Variants in DAAM1 observed in about 807,000 individuals in gnomAD.
DAAM1 encodes the protein dishevelled associated activator of morphogenesis 1.
In DAAM1, 52 loss-of-function variants were observed where a neutral mutation model predicts 130.0. The ratio of observed to expected loss-of-function variants is 0.40; its 90% CI spans 0.32 to 0.50. The LOEUF (loss-of-function observed/expected upper bound fraction) is 0.50. Among genes scored for constraint, DAAM1 ranks in the 20% least tolerant of loss-of-function variants. The probability of loss-of-function intolerance (pLI) is 0.61; values close to 1 mark genes in which losing one functional copy is unlikely to be tolerated. For missense variants in DAAM1, 1,134 were observed against 1,303.8 expected (o/e 0.87, Z 2.01); for synonymous variants, 452 against 444.5 (o/e 1.02, Z -0.21).
intron 1 of DAAM1, among the ~76,000 whole-genome samples, chr14:59,194,938 C>A (rs1425839796): frequency 6.6e-6 from 1 of 152,076 alleles, no homozygotes; most frequent in South Asian, 2.1e-4. Context: ...AGATATTGTG[C>A]CACTTAGACA....
At chr14:59,269,383 A>G (rs892704524) in intron 2 of DAAM1, among the ~76,000 whole-genome samples, 7 of 152,152 alleles carry the variant, frequency 4.6e-5, no homozygotes, top group African/African-American at 1.7e-4. Context: ...CTTTGAGAAA[A>G]CACATTGTGT....
chr14:59,198,212 T>C (rs1411880551), intron 1 of DAAM1, among the ~76,000 whole-genome samples: 3 of 150,266 alleles, frequency 2.0e-5, no homozygotes, highest in African/African-American at 7.3e-5. Context: ...TCTTTCTTTT[T>C]TTTTTTTTTT....
At chr14:59,263,282 A>G (rs897442662) in intron 1 of DAAM1, among the ~76,000 whole-genome samples, 159 bp from the exon 2 acceptor site, 1 of 152,224 alleles carries the variant, frequency 6.6e-6, no homozygotes, top group African/African-American at 2.4e-5. Context: ...TTCTCTGTCC[A>G]AGTGGACTCC....
rs999529051 is a variant in DAAM1, at chr14:59,368,955, A to G, written c.*96A>G. On this transcript the variant is annotated 3_prime_UTR_variant, in exon 25 of 25. Coordinates refer to ENST00000360909, the MANE Select transcript of DAAM1 (RefSeq NM_001270520.2). ...CTGCCTTGCAATCCAAACAGTGGCA[A>G]TTTTTTCCTTCATCTGTGAGTGAAT... 3.5e-6 allele frequency: 4 copies of G among 1,136,654 alleles called. No individual in the cohort carries two copies. The Admixed American group carries it at 1.0e-4, about 30-fold the overall frequency. 70.4% of individuals were successfully genotyped at this position (1,136,654 alleles called of 1,614,324 possible).
chr14:59,243,326 T>A (rs1344792059), intron 1 of DAAM1, among the ~76,000 whole-genome samples: 1 of 152,136 alleles, frequency 6.6e-6, no homozygotes, highest in Non-Finnish European at 1.5e-5. Flanking sequence ...CTTTAAAGAG[T>A]GTTGGACTTT....
chr14:59,356,917 A>C (rs1886503900), intron 20 of DAAM1, among the ~76,000 whole-genome samples: 1 of 152,150 alleles, frequency 6.6e-6, no homozygotes, highest in South Asian at 2.1e-4. Flanking sequence ...CCCACACCTT[A>C]TACACCTGCA....
chr14:59,363,806 AGT>A (rs1479955584), intron 23 of DAAM1, 24 bp downstream of exon 23: 4 of 1,611,968 alleles, frequency 2.5e-6, no homozygotes, highest in African/African-American at 1.3e-5. Flanking sequence ...TTGTGCACTG[AGT>A]GTTGTTTGAC....
At chr14:59,284,773 A>G (rs1019890187) in intron 2 of DAAM1, among the ~76,000 whole-genome samples, 2 of 152,160 alleles carry the variant, frequency 1.3e-5, no homozygotes, top group Non-Finnish European at 2.9e-5. Flanking sequence ...AAAATAAAGA[A>G]TGAAAGAATG....
At chr14:59,322,373 TTGAC>T (rs1197196125) in intron 5 of DAAM1, among the ~76,000 whole-genome samples, 1 of 151,510 alleles carries the variant, frequency 6.6e-6, no homozygotes, top group African/African-American at 2.4e-5. Context: ...AAAGAAAAAA[TTGAC>T]TGGGAATGGT....
intron 1 of DAAM1, among the ~76,000 whole-genome samples, chr14:59,226,407 T>C (rs1888945884): frequency 6.6e-6 from 1 of 152,042 alleles, no homozygotes; most frequent in Non-Finnish European, 1.5e-5. Flanking sequence ...AGCAGAAGAA[T>C]ATGGGGCAGT....
chr14:59,281,659 C>A (rs182616968), intron 2 of DAAM1, among the ~76,000 whole-genome samples: 5 of 152,234 alleles, frequency 3.3e-5, no homozygotes, highest in African/African-American at 1.2e-4. Context: ...CTTTCTATCA[C>A]CTTGTCTTCC....
chr14:59,224,658 G>C (rs1027989735), intron 1 of DAAM1, among the ~76,000 whole-genome samples: 27 of 152,190 alleles, frequency 1.8e-4, no homozygotes, highest in Admixed American at 1.6e-3. Context: ...AAGACTTTTG[G>C]GGCTATTGAG....
chr14:59,294,563 C>CT (rs1883877174), intron 3 of DAAM1, among the ~76,000 whole-genome samples: 1 of 125,116 alleles, frequency 8.0e-6, no homozygotes, highest in Non-Finnish European at 1.8e-5. Flanking sequence ...AATCCACTGT[C>CT]ATTTTTTTTT....
intron 1 of DAAM1, among the ~76,000 whole-genome samples, chr14:59,238,596 G>A (rs1277893086): frequency 2.6e-5 from 4 of 152,130 alleles, no homozygotes; most frequent in African/African-American, 7.2e-5. Context: ...CTCTTCTTAT[G>A]TTCTTGATTT....
chr14:59,354,458 G>A (rs745561824), intron 19 of DAAM1, among the ~76,000 whole-genome samples: 10 of 152,086 alleles, frequency 6.6e-5, no homozygotes, highest in Admixed American at 1.3e-4. Flanking sequence ...CCCTAGTCTC[G>A]GAGCTCACAG....
At chr14:59,228,405 C>G (rs933959848) in intron 1 of DAAM1, among the ~76,000 whole-genome samples, 1 of 152,224 alleles carries the variant, frequency 6.6e-6, no homozygotes, top group East Asian at 1.9e-4. Flanking sequence ...CCTCCGCTCC[C>G]CAACTTCCAA....
intron 2 of DAAM1, among the ~76,000 whole-genome samples, chr14:59,273,082 G>C (rs939264253): frequency 3.3e-5 from 5 of 152,166 alleles, no homozygotes; most frequent in Non-Finnish European, 7.4e-5. Context: ...ACATTTCTTT[G>C]TACTGGTTGA....
intron 1 of DAAM1, among the ~76,000 whole-genome samples, chr14:59,236,139 CT>C (rs1382409537): frequency 1.3e-5 from 2 of 151,942 alleles, no homozygotes; most frequent in African/African-American, 4.8e-5. Context: ...AGAATTGCCT[CT>C]TTAGTATGAA....
rs751770774 is a variant in DAAM1, at chr14:59,367,579, C to G, written c.2977C>G (p.Arg993Gly). ...AAAGAAAAAGGAGGAAGAAGAACGT[C>G]GAGCTCGCATGGAAGCTCAGGTGAG... is the stretch of plus-strand genomic sequence containing the variant. The part of the protein sequence containing the change: ...MRKKKEEEER[R>G]ARMEAQLKEQ... The change falls in exon 24 of 25, where the codon CGA becomes GGA. Residue 993 changes from arginine to glycine, a missense_variant. Arg to Gly is a moderately radical substitution (Grantham distance 125, BLOSUM62 -2). Coordinates refer to ENST00000360909, the MANE Select transcript of DAAM1 (RefSeq NM_001270520.2). 2 of 1,613,462 alleles carry G rather than the reference C, an allele frequency of 1.2e-6. No individual in the cohort carries two copies. The highest frequency in any genetic ancestry group is 1.1e-5 in the South Asian group (1 of 91,000).
Sources: gnomAD v4.1 joint callset for allele counts (sites outside exome capture counted in the v4.1 genomes callset) on GRCh38, gnomAD v4.1.1 for gene constraint, MANE v1.5 for transcripts, NCBI Gene and HGNC (gene_info 2026-07-23, HGNC 2026-07-21) for gene names.